The following AUTS2 variants were observed in gnomAD, a reference collection of about 807,000 sequenced individuals.
The protein encoded by AUTS2 is autism susceptibility gene 2 protein.
In AUTS2, 17 loss-of-function variants were observed where a neutral mutation model predicts 112.4. The observed-to-expected ratio is 0.15, with a 90% confidence interval of 0.10 to 0.23. The LOEUF (loss-of-function observed/expected upper bound fraction) is 0.23. Ranked by LOEUF, AUTS2 falls within the 10% of genes least tolerant of loss-of-function variation. The pLI is 1.00. For missense variants in AUTS2, 1,510 were observed against 1,701.6 expected (o/e 0.89, Z 1.98); for synonymous variants, 751 against 702.7 (o/e 1.07, Z -1.09).
At chr7:69,988,667 A>G (rs1798612721) in intron 2 of AUTS2, among the ~76,000 whole-genome samples, 1 of 152,194 alleles carries the variant, frequency 6.6e-6, no homozygotes, top group South Asian at 2.1e-4. Flanking sequence ...ATCAAAATAG[A>G]ATGAACTAGG....
intron 1 of AUTS2, among the ~76,000 whole-genome samples, chr7:69,858,993 A>G (rs1315130951): frequency 1.3e-5 from 2 of 152,228 alleles, no homozygotes; most frequent in Non-Finnish European, 2.9e-5. Context: ...AGTGAATAGG[A>G]CTGTTATATT....
At chr7:70,291,089 T>G (rs1167969452) in intron 4 of AUTS2, 2 of 152,218 alleles carry the variant, frequency 1.3e-5, no homozygotes, top group African/African-American at 2.4e-5. Flanking sequence ...TATCAAGCAT[T>G]TCTTTTTTAG....
chr7:70,102,153 C>CT (rs1187200744), intron 2 of AUTS2, among the ~76,000 whole-genome samples: 10 of 142,244 alleles, frequency 7.0e-5, no homozygotes, highest in African/African-American at 2.3e-4. Flanking sequence ...GAGTCTCGCA[C>CT]TTTCGCCCAG....
chr7:70,674,784 C>T (rs1807825300), intron 5 of AUTS2, among the ~76,000 whole-genome samples: 1 of 152,178 alleles, frequency 6.6e-6, no homozygotes, highest in Non-Finnish European at 1.5e-5. Flanking sequence ...CGTACAGTCA[C>T]ATTTCCCAAC....
intron 2 of AUTS2, among the ~76,000 whole-genome samples, chr7:70,013,491 C>G (rs774538934): frequency 9.9e-5 from 15 of 152,180 alleles, no homozygotes; most frequent in Non-Finnish European, 1.8e-4. Context: ...CAGTTTATCT[C>G]TATCCCATTT....
At chr7:70,379,270 G>A (rs1793258953) in intron 4 of AUTS2, among the ~76,000 whole-genome samples, 1 of 152,136 alleles carries the variant, frequency 6.6e-6, no homozygotes, top group South Asian at 2.1e-4. Context: ...GGGAGCCGAG[G>A]CAGGTGGATC....
At chr7:69,713,599 T>G (rs1046877074) in intron 1 of AUTS2, among the ~76,000 whole-genome samples, 7 of 152,182 alleles carry the variant, frequency 4.6e-5, no homozygotes, top group African/African-American at 1.7e-4. Context: ...TAGCTGGGAT[T>G]ACAGGTATGT....
At chr7:70,297,634 C>CA (rs1789007526) in intron 4 of AUTS2, among the ~76,000 whole-genome samples, 1 of 151,752 alleles carries the variant, frequency 6.6e-6, no homozygotes, top group South Asian at 2.1e-4. Flanking sequence ...TGGGGTTTCA[C>CA]CGTGTTAGCC....
intron 4 of AUTS2, among the ~76,000 whole-genome samples, chr7:70,415,519 A>G (rs1794952588): frequency 6.6e-6 from 1 of 152,182 alleles, no homozygotes; most frequent in Admixed American, 6.5e-5. Context: ...AAAAACACAT[A>G]CAGTATTTTA....
chr7:70,224,934 C>CTA (rs1469168506), intron 4 of AUTS2, among the ~76,000 whole-genome samples: 4 of 152,176 alleles, frequency 2.6e-5, no homozygotes, highest in Non-Finnish European at 4.4e-5. Flanking sequence ...GTATAGTAGG[C>CTA]TATACCATTT....
chr7:69,854,854 A>G (rs1792647410), intron 1 of AUTS2, among the ~76,000 whole-genome samples: 1 of 152,138 alleles, frequency 6.6e-6, no homozygotes, highest in South Asian at 2.1e-4. Context: ...AGAATCTTTC[A>G]ATTCACAAGT....
At position 70,411,107 on chromosome 7, in the gene AUTS2, C is replaced by T. The variant is rs1431648496; in HGVS notation, c.661-24645C>T. 4.6e-5 allele frequency among the ~76,000 whole-genome samples: 7 copies of T among 152,148 alleles called. No individual in the cohort carries two copies. In the East Asian group the frequency reaches 5.8e-4, roughly 13 times the overall value. Reference sequence around the variant, plus strand: ...CTCGAACTCCTGACCTCAGGTGATCCGCCCGCCTTGGCCTCCCAGAGTGCT... The same window carrying T: ...CTCGAACTCCTGACCTCAGGTGATCTGCCCGCCTTGGCCTCCCAGAGTGCT... On this transcript the variant is annotated intron_variant, in intron 4 of 18. Coordinates refer to ENST00000342771, the MANE Select transcript of AUTS2 (RefSeq NM_015570.4).
chr7:70,054,635 G>A (rs893760082), intron 2 of AUTS2, among the ~76,000 whole-genome samples: 2 of 152,150 alleles, frequency 1.3e-5, no homozygotes, highest in Non-Finnish European at 2.9e-5. Context: ...GCTGATTCCT[G>A]AGATCACGGC....
intron 5 of AUTS2, among the ~76,000 whole-genome samples, chr7:70,536,557 T>A (rs1457782076): frequency 7.0e-6 from 1 of 143,066 alleles, no homozygotes; most frequent in African/African-American, 2.6e-5. Context: ...TCTGCTGATA[T>A]GCTAGAAGCC....
At chr7:69,868,170 G>C (rs1793320758) in intron 1 of AUTS2, among the ~76,000 whole-genome samples, 1 of 152,078 alleles carries the variant, frequency 6.6e-6, no homozygotes, top group Non-Finnish European at 1.5e-5. Flanking sequence ...TTGTGCATAA[G>C]ATTTATAAGT....
At position 69,928,556 on chromosome 7, in the gene AUTS2, G is replaced by A. The variant is rs190122405; in HGVS notation, c.522+29058G>A. Among the ~76,000 whole-genome samples, 568 of 152,292 alleles carry A rather than the reference G, an allele frequency of 3.7e-3. 4 individuals carry two copies. Among genetic ancestry groups the A allele is most frequent in the African/African-American group, 0.013 (526 of 41,564 alleles). ...TGTCTGGAGGGGCCTGAGGTAGCAG[G>A]GGGCTGGTATACCAGCATGACCCTG... On this transcript the variant is annotated intron_variant, in intron 2 of 18. Coordinates refer to ENST00000342771, the MANE Select transcript of AUTS2 (RefSeq NM_015570.4).
chr7:69,732,485 G>T lies in AUTS2; in HGVS notation c.309+132523G>T, dbSNP rs1006050133. Among the ~76,000 whole-genome samples the T allele has an allele frequency of 7.2e-5, 11 of 152,050 alleles. 1 individual carries two copies. Among genetic ancestry groups the T allele is most frequent in the Admixed American group, 1.3e-4 (2 of 15,276 alleles). On this transcript the variant is annotated intron_variant, in intron 1 of 18. Transcript: ENST00000342771. ...GGAGTGCTGGCTCTGTGGACTCTTG[G>T]CTGAGTCAGCATTGTTTCCCATGGA...
intron 2 of AUTS2, among the ~76,000 whole-genome samples, chr7:70,117,763 T>G (rs1252211181): frequency 6.6e-6 from 1 of 151,796 alleles, no homozygotes; most frequent in East Asian, 1.9e-4. Flanking sequence ...TTTTTTTTTT[T>G]GTGAGACGGA....
intron 5 of AUTS2, among the ~76,000 whole-genome samples, chr7:70,582,346 A>G (rs936300001): frequency 6.6e-6 from 1 of 152,180 alleles, no homozygotes; most frequent in African/African-American, 2.4e-5. Context: ...CTGAGTATAC[A>G]AAGCATCCCA....
Sources: allele counts gnomAD v4.1 joint callset (sites outside exome capture counted in the v4.1 genomes callset), GRCh38; gene constraint gnomAD v4.1.1; transcripts MANE v1.5; gene names NCBI Gene and HGNC (gene_info 2026-07-23, HGNC 2026-07-21).